Variants in ESRRG observed in about 807,000 individuals in gnomAD.
The protein encoded by ESRRG is estrogen-related receptor gamma.
ESRRG carries 13 observed loss-of-function variants against 44.0 expected under a neutral mutation model. The ratio of observed to expected loss-of-function variants is 0.30; its 90% CI spans 0.19 to 0.47. The LOEUF is 0.47. ESRRG is among the 20% of genes least tolerant of loss of function. The pLI, the probability that ESRRG is intolerant of heterozygous loss-of-function variation, is 1.00. For missense variants in ESRRG, 395 were observed against 580.6 expected (o/e 0.68, Z 3.29); for synonymous variants, 215 against 214.6 (o/e 1.00, Z -0.02).
At chr1:217,030,948 C>G in intron 1 of ESRRG, among the ~76,000 whole-genome samples, 1 of 152,162 alleles carries the variant, frequency 6.6e-6, no homozygotes, top group East Asian at 1.9e-4. Context: ...TTAAAGTTAC[C>G]TGTTTATTTT....
intron 2 of ESRRG, among the ~76,000 whole-genome samples, chr1:216,881,635 C>T (rs1293414794): frequency 6.6e-6 from 1 of 151,958 alleles, no homozygotes; most frequent in Non-Finnish European, 1.5e-5. Context: ...TCCCAGCTCC[C>T]CCAACAACAA....
At chr1:216,814,504 A>C (rs773689174) in intron 2 of ESRRG, among the ~76,000 whole-genome samples, 2 of 152,224 alleles carry the variant, frequency 1.3e-5, no homozygotes, top group Non-Finnish European at 2.9e-5. Flanking sequence ...GAATACAGAC[A>C]CAACTCATTA....
chr1:217,085,975 A>G (rs1304100293), intron 1 of ESRRG, among the ~76,000 whole-genome samples: 3 of 152,174 alleles, frequency 2.0e-5, no homozygotes, highest in African/African-American at 7.2e-5. Flanking sequence ...AGCTTTAACA[A>G]ACTGACAACA....
intron 3 of ESRRG, among the ~76,000 whole-genome samples, chr1:216,649,572 T>G (rs2068449328): frequency 6.6e-6 from 1 of 151,876 alleles, no homozygotes; most frequent in Admixed American, 6.6e-5. Context: ...ATACTATTAA[T>G]AAACTTGTTC....
intron 3 of ESRRG, among the ~76,000 whole-genome samples, chr1:216,649,009 G>A (rs1256691220): frequency 6.6e-6 from 1 of 152,084 alleles, no homozygotes; most frequent in Non-Finnish European, 1.5e-5. Context: ...CTCTGCTATA[G>A]GGGTTAAGGC....
intron 1 of ESRRG, among the ~76,000 whole-genome samples, chr1:217,130,761 G>A (rs1477410864): frequency 6.6e-6 from 1 of 152,010 alleles, no homozygotes; most frequent in African/African-American, 2.4e-5. Flanking sequence ...ACTTATATGG[G>A]ATCAATGAAT....
At chr1:216,908,982 AT>A (rs202020269) in intron 2 of ESRRG, among the ~76,000 whole-genome samples, 1 of 151,886 alleles carries the variant, frequency 6.6e-6, no homozygotes, top group South Asian at 2.1e-4. Context: ...GGGATTAAAA[AT>A]TTTTTTTTGT....
chr1:217,128,213 G>T (rs568602366), intron 1 of ESRRG, among the ~76,000 whole-genome samples: 1 of 152,232 alleles, frequency 6.6e-6, no homozygotes, highest in East Asian at 1.9e-4. Flanking sequence ...ATAAAATGAA[G>T]ATCTCATCCA....
intron 2 of ESRRG, chr1:216,863,976 A>G (rs1398314710): frequency 6.6e-6 from 1 of 152,146 alleles, no homozygotes; most frequent in Non-Finnish European, 1.5e-5. Context: ...ATGAAATTGC[A>G]TTTGGGACAT....
At chr1:216,547,834 A>G (rs796338208) in intron 5 of ESRRG, among the ~76,000 whole-genome samples, 16 of 152,162 alleles carry the variant, frequency 1.1e-4, no homozygotes, top group African/African-American at 3.6e-4. Context: ...AATTTTTTCA[A>G]TTAGACCCAT....
At chr1:216,876,607 T>C (rs1268609373) in intron 2 of ESRRG, among the ~76,000 whole-genome samples, 1 of 152,174 alleles carries the variant, frequency 6.6e-6, no homozygotes, top group Non-Finnish European at 1.5e-5. Context: ...TACCTTTTTT[T>C]TTCAGGGGTG....
At chr1:216,778,544 A>G (rs531073744) in intron 2 of ESRRG, among the ~76,000 whole-genome samples, 1 of 152,020 alleles carries the variant, frequency 6.6e-6, no homozygotes, top group Admixed American at 6.6e-5. Flanking sequence ...GTCAAGCAGC[A>G]GTCTCTAATT....
chr1:216,910,183 T>C (rs1459276105), intron 2 of ESRRG, among the ~76,000 whole-genome samples: 9 of 152,070 alleles, frequency 5.9e-5, no homozygotes, highest in African/African-American at 2.2e-4. Flanking sequence ...CATTATATTA[T>C]TGCATGAAAA....
chr1:216,533,959 A>G (rs948632416), intron 5 of ESRRG, among the ~76,000 whole-genome samples: 4 of 152,170 alleles, frequency 2.6e-5, no homozygotes, highest in Admixed American at 6.6e-5. Flanking sequence ...GCTGGACCCA[A>G]TGGCTTTTAG....
At chr1:216,895,512 G>T (rs2058318685) in intron 2 of ESRRG, among the ~76,000 whole-genome samples, 1 of 152,110 alleles carries the variant, frequency 6.6e-6, no homozygotes, top group Admixed American at 6.6e-5. Flanking sequence ...TTTTTCTTCA[G>T]CTCTAATTGG....
intron 2 of ESRRG, among the ~76,000 whole-genome samples, chr1:216,761,568 T>C (rs998022185): frequency 2.0e-5 from 3 of 152,166 alleles, no homozygotes; most frequent in African/African-American, 7.2e-5. Flanking sequence ...CACTGTATTC[T>C]TCCTGTCTCT....
intron 4 of ESRRG, among the ~76,000 whole-genome samples, chr1:216,565,361 G>A (rs1498283): frequency 0.85 from 128,698 of 152,066 alleles, 54,818 homozygotes; most frequent in Middle Eastern, 0.89. Context: ...ACAAACGGGT[G>A]AGAATAAACC....
In ESRRG at chr1:216,503,434, C is replaced by T. The variant is rs909882783; in HGVS notation, c.*3505G>A. 8 of 152,444 alleles carry T rather than the reference C, an allele frequency of 5.2e-5. No homozygotes were observed. The highest frequency in any genetic ancestry group is 1.9e-4 in the African/African-American group (8 of 41,374). The allele number at this position is 152,444 out of a possible 1,614,324, so 9.4% of individuals were successfully genotyped here. On this transcript the variant is annotated 3_prime_UTR_variant, in exon 7 of 7. Coordinates refer to ENST00000408911, the MANE Select transcript of ESRRG (RefSeq NM_001438.4). ...ATTTGCTGGAGCACACAGTATGGTA[C>T]ACATCACAAAAATATACAATTGATT... is the stretch of plus-strand genomic sequence containing the variant.
intron 2 of ESRRG, among the ~76,000 whole-genome samples, chr1:216,829,687 G>A (rs2095455488): frequency 6.6e-6 from 1 of 151,826 alleles, no homozygotes; most frequent in Admixed American, 6.6e-5. Context: ...CTAGGTAGCT[G>A]GGATTATGGG....
Sources: allele counts gnomAD v4.1 joint callset (sites outside exome capture counted in the v4.1 genomes callset), GRCh38; gene constraint gnomAD v4.1.1; transcripts MANE v1.5; gene names NCBI Gene and HGNC (gene_info 2026-07-23, HGNC 2026-07-21).